UGT2A2: variants seen among roughly 807,000 people sequenced by gnomAD.
The protein encoded by UGT2A2 is UDP-glucuronosyltransferase 2A2.
A neutral mutation model predicts 50.7 loss-of-function variants in UGT2A2; 60 were observed. The observed-to-expected ratio is 1.18, with a 90% CI of 0.96 to 1.47. UGT2A2 has a LOEUF of 1.47. Ranked by LOEUF, UGT2A2 falls within the 40% of genes most tolerant of loss-of-function variation. The pLI is 0.00. For missense variants in UGT2A2, 762 were observed against 634.0 expected, an observed-to-expected ratio of 1.20 and a Z score of -2.17; for synonymous variants, 242 against 214.6, an observed-to-expected ratio of 1.13 and a Z score of -1.11.
chr4:69,625,691 CTATAGCACTTATG>C (rs1466068047), intron 1 of UGT2A2, among the ~76,000 whole-genome samples: 1 of 151,164 alleles, frequency 6.6e-6, no homozygotes, highest in East Asian at 1.9e-4. Flanking sequence ...TAGGTCTACA[CTATAGCACTTATG>C]TAAATTTAAA....
chr4:69,593,967 C>CTTTTTTTTTTTTTTTTTTTTTTTTTTTT lies in UGT2A2; in HGVS notation c.1331+509_1331+510insAAAAAAAAAAAAAAAAAAAAAAAAAAAA, dbSNP rs200066453. On this transcript the variant is annotated intron_variant, in intron 5 of 5. Coordinates refer to ENST00000604629, the MANE Select transcript of UGT2A2 (RefSeq NM_001105677.2). ...AAAATATTGAAATAATATTTGAAGT[C>CTTTTTTTTTTTTTTTTTTTTTTTTTTTT]TTTTTTTTTGTTTGTTTTTTTTTTT... 1.9e-5 allele frequency among the ~76,000 whole-genome samples: 2 copies of CTTTTTTTTTTTTTTTTTTTTTTTTTTTT among 107,816 alleles called. 1 individual carries two copies. 70.7% of individuals were successfully genotyped at this position (107,816 alleles called of 152,430 possible). A position where few individuals can be genotyped will look rare whatever the true frequency, so the allele number is the denominator to read the frequency against.
chr4:69,623,455 A>T (rs1287892082), intron 1 of UGT2A2, among the ~76,000 whole-genome samples: 5 of 151,834 alleles, frequency 3.3e-5, no homozygotes, highest in African/African-American at 1.2e-4. Context: ...TGAATGCATT[A>T]CCAAGTCACT....
At chr4:69,608,698 T>C (rs1001447000) in intron 1 of UGT2A2, among the ~76,000 whole-genome samples, 1 of 152,068 alleles carries the variant, frequency 6.6e-6, no homozygotes, top group African/African-American at 2.4e-5. Flanking sequence ...ATTTATTTTA[T>C]TATCATTATT....
intron 1 of UGT2A2, among the ~76,000 whole-genome samples, chr4:69,602,703 T>A (rs1719366055): frequency 7.3e-6 from 1 of 137,708 alleles, no homozygotes; most frequent in Non-Finnish European, 1.5e-5. Flanking sequence ...AGTTACATAA[T>A]CTATTCATGC....
rs768231232 is a variant in UGT2A2, at chr4:69,589,508, C to A, written c.1475G>T (p.Trp492Leu). The A allele has an allele frequency of 8.1e-6, 13 of 1,613,938 alleles. No individual in the cohort carries two copies. Among genetic ancestry groups the A allele is most frequent in the Admixed American group, 5.0e-5 (3 of 59,986 alleles). Residue 492 changes from tryptophan to leucine, a missense_variant, in exon 6 of 6, where the codon TGG (tryptophan) becomes TTG (leucine). Transcript: ENST00000604629. ...HLRVAAHDLT[W>L]FQYHSLDVIG... ...TACATCCAAAGAGTGGTACTGGAACCAGGTGAGGTCATGGGCTGCAACCCG... is the reference window on the plus strand; with the variant it reads ...TACATCCAAAGAGTGGTACTGGAACAAGGTGAGGTCATGGGCTGCAACCCG...
chr4:69,599,620 G>A, intron 1 of UGT2A2: 1 of 475,472 alleles, frequency 2.1e-6, no homozygotes, highest in Non-Finnish European at 3.4e-6. Flanking sequence ...AGGGAGGAAG[G>A]CAGGCAAGCA....
In UGT2A2 at chr4:69,594,483, TC is replaced by T; in HGVS notation, c.1324del (p.Glu442AsnfsTer9). On this transcript the variant is annotated frameshift_variant, in exon 5 of 6. Coordinates refer to ENST00000604629, the MANE Select transcript of UGT2A2 (RefSeq NM_001105677.2). LOFTEE classifies it high-confidence loss of function. Reference protein sequence around the residue: ...LLSALRTVINEPSYKENAMRL... With the variant: ...LLSALRTVINXPSYKENAMRL... ...TAGGAGCCTTAGTACTTACGAAGGTTCATTAATGACTGTTCTCAAAGCGCTA... is the reference window on the plus strand; with the variant it reads ...TAGGAGCCTTAGTACTTACGAAGGTTATTAATGACTGTTCTCAAAGCGCTA... 6.2e-7 allele frequency: 1 copy of T among 1,614,148 alleles called. No individual in the cohort carries two copies. Among genetic ancestry groups the T allele is most frequent in the South Asian group, 1.1e-5 (1 of 91,080 alleles).
At chr4:69,603,743 C>G (rs1719436825) in intron 1 of UGT2A2, 1 of 136,640 alleles carries the variant, frequency 7.3e-6, no homozygotes, top group Admixed American at 7.2e-5. Context: ...GAGCTGAAAA[C>G]CAAGGCACAA....
Position 69,595,198 on chromosome 4 carries a change from G to A in UGT2A2, c.1075C>T (p.Gln359Ter), listed in dbSNP as rs1163322219. The A allele has an allele frequency of 3.1e-6, 5 of 1,613,718 alleles. No homozygotes were observed. Among genetic ancestry groups the A allele is most frequent in the Non-Finnish European group, 3.4e-6 (4 of 1,179,858 alleles). Residue 359 changes from glutamine (Q) to a stop codon, truncating the protein, a stop_gained, in exon 4 of 6, where the codon CAG becomes TAG. Transcript: ENST00000604629. LOFTEE classifies it high-confidence loss of function. ...TTCTGGGGTATCCAATCAAAGAGCTGAGTATTGTTTCCTAATGTGGCTGGT... is the reference window on the plus strand; with the variant it reads ...TTCTGGGGTATCCAATCAAAGAGCTAAGTATTGTTTCCTAATGTGGCTGGT... ...KKPATLGNNT[Q>*]LFDWIPQNDL...
chr4:69,624,504 CT>C (rs980523286), intron 1 of UGT2A2, among the ~76,000 whole-genome samples: 1 of 151,262 alleles, frequency 6.6e-6, no homozygotes, highest in African/African-American at 2.4e-5. Context: ...CATTTTGCTA[CT>C]TTTTTTAAGT....
At chr4:69,624,468 A>T (rs1720923372) in intron 1 of UGT2A2, among the ~76,000 whole-genome samples, 1 of 151,470 alleles carries the variant, frequency 6.6e-6, no homozygotes, top group East Asian at 1.9e-4. Context: ...TAATGTGATT[A>T]TCTACATGTT....
chr4:69,617,799 T>C (rs1018281794), intron 1 of UGT2A2, among the ~76,000 whole-genome samples: 5 of 151,826 alleles, frequency 3.3e-5, no homozygotes, highest in Non-Finnish European at 5.9e-5. Flanking sequence ...ATTTTCAAGA[T>C]AGTTGAAATA....
intron 5 of UGT2A2, among the ~76,000 whole-genome samples, chr4:69,594,184 C>A (rs1015139708): frequency 4.0e-5 from 6 of 151,884 alleles, no homozygotes; most frequent in Non-Finnish European, 7.4e-5. Context: ...CCGTGTTAGC[C>A]AGGATGGTCT....
Position 69,595,065 on chromosome 4 carries a change from T to C in UGT2A2, c.1111+97A>G. The C allele has an allele frequency of 2.0e-6, 3 of 1,468,452 alleles. No homozygotes were observed. In the South Asian group the frequency reaches 3.6e-5, roughly 18 times the overall value. The allele number at this position is 1,468,452 out of a possible 1,614,324, so 91.0% of individuals were successfully genotyped here. A position where few individuals can be genotyped will look rare whatever the true frequency, so the allele number is the denominator to read the frequency against. On this transcript the variant is annotated intron_variant, in intron 4 of 5. Transcript: ENST00000604629. Reference sequence around the variant, plus strand: ...TAAAATTGAGTGTCAAATAACATTTTAAATTATTAAAAATGTATTGAATTT... The same window carrying C: ...TAAAATTGAGTGTCAAATAACATTTCAAATTATTAAAAATGTATTGAATTT...
intron 1 of UGT2A2, among the ~76,000 whole-genome samples, chr4:69,608,785 T>A (rs890455461): frequency 6.6e-6 from 1 of 152,104 alleles, no homozygotes; most frequent in Non-Finnish European, 1.5e-5. Flanking sequence ...AACCTCTGCC[T>A]CCTGGGTTCA....
At chr4:69,631,442 A>G (rs1186912326) in intron 1 of UGT2A2, among the ~76,000 whole-genome samples, 1 of 152,176 alleles carries the variant, frequency 6.6e-6, no homozygotes, top group Non-Finnish European at 1.5e-5. Flanking sequence ...ATAAATTTTA[A>G]AACTAAACTG....
intron 4 of UGT2A2, 119 bp downstream of exon 4, chr4:69,595,043 A>G: frequency 7.3e-7 from 1 of 1,369,560 alleles, no homozygotes; most frequent in Admixed American, 2.0e-5. Flanking sequence ...TCTGCTTTAA[A>G]ATTGAGTGTC....
In UGT2A2 at chr4:69,603,334, G is replaced by A. The variant is rs1263368444; in HGVS notation, c.743-3940C>T. Among the ~76,000 whole-genome samples the A allele has an allele frequency of 6.6e-5, 9 of 136,706 alleles. 1 individual carries two copies. In the South Asian group the frequency reaches 1.2e-3, roughly 18 times the overall value. The allele number at this position is 136,706 out of a possible 152,430, so 89.7% of individuals were successfully genotyped here. ...AAACCACTTATGTAATGAAATTCAT[G>A]AATGACAAAGATGCAGGCATGCAGG... On this transcript the variant is annotated intron_variant, in intron 1 of 5. Coordinates refer to ENST00000604629, the MANE Select transcript of UGT2A2 (RefSeq NM_001105677.2).
intron 1 of UGT2A2, 198 bp from the exon 2 acceptor site, chr4:69,599,592 G>T (rs989976400): frequency 2.7e-6 from 2 of 732,358 alleles, no homozygotes; most frequent in African/African-American, 1.9e-5. Flanking sequence ...AGGAAGAAAA[G>T]AAGGAAGGAA....
Sources: allele counts gnomAD v4.1 joint callset (sites outside exome capture counted in the v4.1 genomes callset), GRCh38; gene constraint gnomAD v4.1.1; transcripts MANE v1.5; gene names NCBI Gene and HGNC (gene_info 2026-07-23, HGNC 2026-07-21).